The following LHFPL3 variants were observed in gnomAD, a reference collection of about 807,000 sequenced individuals.
The protein encoded by LHFPL3 is LHFPL tetraspan subfamily member 3 protein.
A neutral mutation model predicts 19.3 loss-of-function variants in LHFPL3; 5 were observed. The ratio of observed to expected loss-of-function variants is 0.26; its 90% confidence interval spans 0.14 to 0.54. The LOEUF (loss-of-function observed/expected upper bound fraction) is 0.54. LHFPL3 is among the 20% of genes least tolerant of loss of function. The pLI is 0.94. For synonymous variants in LHFPL3, 133 were observed against 126.2 expected (o/e 1.05, Z -0.36); for missense variants, 249 against 307.4 (o/e 0.81, Z 1.42).
Position 104,399,545 on chromosome 7 carries a change from T to A in LHFPL3, c.445+70321T>A, listed in dbSNP as rs1791268502. 6.6e-6 allele frequency among the ~76,000 whole-genome samples: 1 copy of A among 151,814 alleles called. No individual in the cohort carries two copies. The highest frequency in any genetic ancestry group is 1.5e-5 in the Non-Finnish European group (1 of 67,946). On this transcript the variant is annotated intron_variant, in intron 1 of 2. Transcript: ENST00000424859. The surrounding 1 kb of genome is among the most constrained non-coding windows in gnomAD (Gnocchi z 4.4). ...GGCGCAGTCTTGGCTCAGTGCAACC[T>A]CTGGCTCCTGGGTTCAAGGAATTCT...
intron 1 of LHFPL3, among the ~76,000 whole-genome samples, chr7:104,724,815 A>G (rs1189216116): frequency 6.6e-6 from 1 of 152,178 alleles, no homozygotes; most frequent in Non-Finnish European, 1.5e-5. Context: ...CAAGAAGTGG[A>G]TGGAGAACCC....
intron 2 of LHFPL3, 110 bp downstream of exon 2, chr7:104,737,021 G>C: frequency 1.2e-6 from 1 of 809,118 alleles, no homozygotes; most frequent in Admixed American, 2.3e-5. Flanking sequence ...CTAATTTGCT[G>C]CCTCTTTTAA....
At chr7:104,502,872 C>A (rs780096117) in intron 1 of LHFPL3, among the ~76,000 whole-genome samples, 12 of 152,080 alleles carry the variant, frequency 7.9e-5, no homozygotes, top group Non-Finnish European at 1.6e-4. Flanking sequence ...AGGGTATTAG[C>A]TTATAAAATG....
chr7:104,797,676 G>T (rs1357347694), intron 2 of LHFPL3, among the ~76,000 whole-genome samples: 6 of 151,916 alleles, frequency 3.9e-5, no homozygotes. Flanking sequence ...CACTTTGGGA[G>T]GCTGAGGCAG....
At chr7:104,500,645 G>T (rs1022243252) in intron 1 of LHFPL3, among the ~76,000 whole-genome samples, 1 of 151,988 alleles carries the variant, frequency 6.6e-6, no homozygotes, top group Non-Finnish European at 1.5e-5. Flanking sequence ...ATTGCTTTTT[G>T]GTCCCCTGCT....
At chr7:104,792,167 A>G (rs1324807335) in intron 2 of LHFPL3, among the ~76,000 whole-genome samples, 2 of 152,180 alleles carry the variant, frequency 1.3e-5, no homozygotes, top group African/African-American at 4.8e-5. Context: ...CACAAAGGCA[A>G]AGGCTTGCTC....
At chr7:104,809,197 T>A (rs1790421933) in intron 2 of LHFPL3, among the ~76,000 whole-genome samples, 3 of 152,208 alleles carry the variant, frequency 2.0e-5, no homozygotes. Context: ...CCCAGCCGGA[T>A]CTTGGACCCT....
In LHFPL3 at chr7:104,467,357, A is replaced by G. The variant is rs533440011; in HGVS notation, c.445+138133A>G. 9.2e-4 allele frequency among the ~76,000 whole-genome samples: 140 copies of G among 152,286 alleles called. 1 individual carries two copies. The highest frequency in any genetic ancestry group is 3.2e-3 in the African/African-American group (131 of 41,574). On this transcript the variant is annotated intron_variant, in intron 1 of 2. Coordinates refer to ENST00000424859, the MANE Select transcript of LHFPL3 (RefSeq NM_199000.3). ...ACTCACATCTCAGCAACTTAATAAC[A>G]TGGGGTCTACTCGAGTGTCAGTTTC...
intron 1 of LHFPL3, among the ~76,000 whole-genome samples, chr7:104,734,052 C>G (rs1793754758): frequency 6.6e-6 from 1 of 152,222 alleles, no homozygotes; most frequent in African/African-American, 2.4e-5. Context: ...TATTGGCCCC[C>G]ACTCTCTTCT....
chr7:104,823,735 C>T (rs535769316), intron 2 of LHFPL3, among the ~76,000 whole-genome samples: 5 of 152,216 alleles, frequency 3.3e-5, no homozygotes, highest in Admixed American at 3.3e-4. Context: ...ATTTCTCGCT[C>T]CGCTTCAAAG....
chr7:104,506,825 G>A (rs1793707998), intron 1 of LHFPL3, among the ~76,000 whole-genome samples: 3 of 152,176 alleles, frequency 2.0e-5, no homozygotes, highest in African/African-American at 7.2e-5. Flanking sequence ...AAGGGTATGG[G>A]AGTAACTAGT....
At chr7:104,358,607 C>G (rs1451379885) in intron 1 of LHFPL3, among the ~76,000 whole-genome samples, 1 of 152,104 alleles carries the variant, frequency 6.6e-6, no homozygotes, top group African/African-American at 2.4e-5. Context: ...GTGTATTGAG[C>G]CATAAAGACA....
intron 1 of LHFPL3, among the ~76,000 whole-genome samples, chr7:104,662,514 G>T (rs1792244288): frequency 6.6e-6 from 1 of 152,110 alleles, no homozygotes; most frequent in Non-Finnish European, 1.5e-5. Context: ...GGTGCCTAGG[G>T]TCAAATTCAG....
At chr7:104,603,186 CCTTT>C (rs1249402908) in intron 1 of LHFPL3, among the ~76,000 whole-genome samples, 3 of 73,030 alleles carry the variant, frequency 4.1e-5, no homozygotes, top group East Asian at 5.1e-4. Context: ...TTTCTTTCTT[CCTTT>C]CTTTCTTTCT....
rs1342023808 is a variant in LHFPL3 at position 104,475,493 on chromosome 7, A to G, written c.445+146269A>G. Among the ~76,000 whole-genome samples, 3 of 152,236 alleles carry G rather than the reference A, an allele frequency of 2.0e-5. 1 individual carries two copies. The highest frequency in any genetic ancestry group is 2.0e-4 in the Admixed American group (3 of 15,288). ...TTGTTCAATGGATATAGAGTTTCAC[A>G]CTTATAAGATGAAAAAGTTGGGTCT... On this transcript the variant is annotated intron_variant, in intron 1 of 2. Transcript: ENST00000424859.
At position 104,647,743 on chromosome 7, in the gene LHFPL3, G is replaced by A. The variant is rs551984253; in HGVS notation, c.446-88932G>A. Reference sequence around the variant, plus strand: ...CTCACAGTCATTGGATGGCAGCTGCGGTTCCTGCCATCTCTTTTATGTTCC... The same window carrying A: ...CTCACAGTCATTGGATGGCAGCTGCAGTTCCTGCCATCTCTTTTATGTTCC... On this transcript the variant is annotated intron_variant, in intron 1 of 2. Coordinates refer to ENST00000424859, the MANE Select transcript of LHFPL3 (RefSeq NM_199000.3). 1.1e-3 allele frequency among the ~76,000 whole-genome samples: 162 copies of A among 152,264 alleles called. 2 individuals are homozygous for A. The highest frequency in any genetic ancestry group is 3.7e-3 in the African/African-American group (153 of 41,546).
intron 1 of LHFPL3, chr7:104,667,980 C>G: frequency 6.2e-7 from 1 of 1,613,446 alleles, no homozygotes; most frequent in Non-Finnish European, 8.5e-7. Flanking sequence ...CACTGCTCCA[C>G]GGGCTGCTCG....
chr7:104,877,838 A>ATTTT (rs36063537), intron 2 of LHFPL3, among the ~76,000 whole-genome samples: 1 of 147,850 alleles, frequency 6.8e-6, no homozygotes. Flanking sequence ...TTATAGCAGC[A>ATTTT]TTTTTTTTTT....
intron 1 of LHFPL3, among the ~76,000 whole-genome samples, chr7:104,720,280 A>C (rs1463476828): frequency 6.6e-6 from 1 of 152,234 alleles, no homozygotes; most frequent in African/African-American, 2.4e-5. Context: ...GACAGAAATG[A>C]GAAATGGGGA....
Sources: gnomAD v4.1 joint callset for allele counts (sites outside exome capture counted in the v4.1 genomes callset) on GRCh38, gnomAD v4.1.1 for gene constraint, Gnocchi (gnomAD v3.1) non-coding constraint, MANE v1.5 for transcripts, NCBI Gene and HGNC (gene_info 2026-07-23, HGNC 2026-07-21) for gene names.